TENM2: variants seen among roughly 807,000 people sequenced by gnomAD.
TENM2 encodes teneurin-2.
TENM2 carries 52 observed loss-of-function variants against 245.2 expected under a neutral mutation model. The ratio of observed to expected loss-of-function variants is 0.21; its 90% CI spans 0.17 to 0.27. TENM2 has a LOEUF of 0.27. Ranked by LOEUF, TENM2 falls within the 10% of genes least tolerant of loss-of-function variation. The probability of loss-of-function intolerance (pLI) is 1.00; values close to 1 mark genes in which losing one functional copy is unlikely to be tolerated. For synonymous variants in TENM2, 1,363 were observed against 1,438.9 expected, an observed-to-expected ratio of 0.95 and a Z score of 1.19; for missense variants, 3,046 against 3,666.8, an observed-to-expected ratio of 0.83 and a Z score of 4.37.
chr5:167,160,592 T>G, the TENM2 span, among the ~76,000 whole-genome samples: 1 of 152,268 alleles, frequency 6.6e-6, no homozygotes, highest in Non-Finnish European at 1.5e-5. Flanking sequence ...TACATCTCTT[T>G]CAGGCCTCAG....
chr5:167,840,327 A>G (rs1769389099), intron 2 of TENM2, among the ~76,000 whole-genome samples: 1 of 152,228 alleles, frequency 6.6e-6, no homozygotes, highest in Non-Finnish European at 1.5e-5. Flanking sequence ...CCAACTCTAC[A>G]GTGTGACACA....
the TENM2 span, among the ~76,000 whole-genome samples, chr5:167,174,572 G>A: frequency 1.1e-4 from 16 of 152,054 alleles, no homozygotes; most frequent in Admixed American, 2.0e-4. Flanking sequence ...TATATTTAAG[G>A]TATACAATAT....
intron 12 of TENM2, among the ~76,000 whole-genome samples, chr5:168,135,934 CT>C (rs1381201566): frequency 6.6e-6 from 1 of 152,150 alleles, no homozygotes; most frequent in Non-Finnish European, 1.5e-5. Flanking sequence ...TGAGTCTGGT[CT>C]TTTCCCATTG....
chr5:167,584,178 C>A lies in TENM2; in HGVS notation c.502+208705C>A, dbSNP rs997639846. On this transcript the variant is annotated intron_variant, in intron 2 of 28. Transcript: ENST00000518659. Reference sequence around the variant, plus strand: ...AATTGGATAAAATGCACAAACAAAGCAGTGAAAGAATGAAGCAATGAAAGC... The same window carrying A: ...AATTGGATAAAATGCACAAACAAAGAAGTGAAAGAATGAAGCAATGAAAGC... Among the ~76,000 whole-genome samples, 18 of 152,202 alleles carry A rather than the reference C, an allele frequency of 1.2e-4. 1 individual carries two copies. Among genetic ancestry groups the A allele is most frequent in the East Asian group, 5.8e-4 (3 of 5,194 alleles).
At chr5:167,550,478 T>C (rs1772854608) in intron 2 of TENM2, among the ~76,000 whole-genome samples, 1 of 152,074 alleles carries the variant, frequency 6.6e-6, no homozygotes, top group Non-Finnish European at 1.5e-5. Flanking sequence ...GCTCTAACAT[T>C]TCAGGGAGGG....
intron 1 of TENM2, among the ~76,000 whole-genome samples, chr5:167,356,618 A>G (rs1293290120): frequency 6.6e-6 from 1 of 152,224 alleles, no homozygotes; most frequent in African/African-American, 2.4e-5. Context: ...TGGCCAGAGT[A>G]TTTGATGTTT....
chr5:168,132,432 T>C (rs1430776976), intron 12 of TENM2, among the ~76,000 whole-genome samples: 5 of 152,164 alleles, frequency 3.3e-5, no homozygotes, highest in African/African-American at 1.2e-4. Context: ...TGTTATGAGC[T>C]CCCATCAAAA....
chr5:167,801,701 A>T, intron 2 of TENM2, among the ~76,000 whole-genome samples: 1 of 152,106 alleles, frequency 6.6e-6, no homozygotes, highest in Non-Finnish European at 1.5e-5. Flanking sequence ...CTCCTGAGAG[A>T]TGGCCAGGAA....
chr5:167,564,457 T>C (rs1773776233), intron 2 of TENM2, among the ~76,000 whole-genome samples: 1 of 152,152 alleles, frequency 6.6e-6, no homozygotes, highest in Non-Finnish European at 1.5e-5. Flanking sequence ...AAGGAGCTCA[T>C]AGATGGCTTT....
chr5:167,137,874 A>G, the TENM2 span, among the ~76,000 whole-genome samples: 2 of 152,244 alleles, frequency 1.3e-5, no homozygotes, highest in African/African-American at 2.4e-5. Flanking sequence ...CCAATCAGCC[A>G]TTCTCACATT....
chr5:167,106,014 CAG>C, the TENM2 span, among the ~76,000 whole-genome samples: 47 of 144,908 alleles, frequency 3.2e-4, no homozygotes, highest in East Asian at 6.2e-4. Flanking sequence ...TGTGAATCGA[CAG>C]AGTTTTTTTT....
chr5:167,042,537 A>T, the TENM2 span, among the ~76,000 whole-genome samples: 1 of 152,348 alleles, frequency 6.6e-6, no homozygotes, highest in East Asian at 1.9e-4. Context: ...TTGGGGGGAA[A>T]CTTAGAACCA....
chr5:167,447,783 G>T (rs1393073445), intron 2 of TENM2, among the ~76,000 whole-genome samples: 3 of 152,194 alleles, frequency 2.0e-5, no homozygotes, highest in Non-Finnish European at 4.4e-5. Flanking sequence ...AAGATCCCCT[G>T]CCCATGCTGT....
intron 2 of TENM2, among the ~76,000 whole-genome samples, chr5:167,769,469 C>T (rs1763257968): frequency 6.6e-6 from 1 of 152,152 alleles, no homozygotes; most frequent in Non-Finnish European, 1.5e-5. Flanking sequence ...AAACCAATTG[C>T]ATTAGATTTT....
chr5:167,295,706 G>C (rs1754909760), intron 1 of TENM2, among the ~76,000 whole-genome samples: 2 of 152,012 alleles, frequency 1.3e-5, no homozygotes, highest in South Asian at 4.2e-4. Context: ...AAGAGGAAGG[G>C]GCTAGCGTGT....
chr5:167,230,138 C>T, the TENM2 span, among the ~76,000 whole-genome samples: 1 of 152,214 alleles, frequency 6.6e-6, no homozygotes, highest in Admixed American at 6.5e-5. Flanking sequence ...GGCTCGGGGG[C>T]TTGTAGGACC....
At chr5:167,476,819 G>A (rs965462268) in intron 2 of TENM2, among the ~76,000 whole-genome samples, 4 of 152,094 alleles carry the variant, frequency 2.6e-5, no homozygotes, top group South Asian at 2.1e-4. Flanking sequence ...GGCTGGTCTC[G>A]AACTCCTGAC....
At chr5:167,380,669 CTGATTATTACATG>C (rs1761046826) in intron 2 of TENM2, among the ~76,000 whole-genome samples, 2 of 152,092 alleles carry the variant, frequency 1.3e-5, no homozygotes, top group Non-Finnish European at 2.9e-5. Context: ...CAAGGGCAGC[CTGATTATTACATG>C]TGTAATCTCC....
chr5:167,416,240 A>G (rs1026348395), intron 2 of TENM2, among the ~76,000 whole-genome samples: 33 of 152,146 alleles, frequency 2.2e-4, no homozygotes, highest in Admixed American at 2.2e-3. Context: ...CAATTCCTTT[A>G]AATAGATTTA....
Sources: gnomAD v4.1 joint callset for allele counts (sites outside exome capture counted in the v4.1 genomes callset) on GRCh38, gnomAD v4.1.1 for gene constraint, MANE v1.5 for transcripts, NCBI Gene and HGNC (gene_info 2026-07-23, HGNC 2026-07-21) for gene names.